The following RFX2 variants were observed in gnomAD, a reference collection of about 807,000 sequenced individuals.
RFX2 encodes the protein regulatory factor X2.
Under a neutral mutation model 87.8 loss-of-function variants are expected in RFX2, and 20 were observed. The observed-to-expected ratio is 0.23, with a 90% CI of 0.16 to 0.33. The LOEUF (loss-of-function observed/expected upper bound fraction) is 0.33. RFX2 is among the 10% of genes least tolerant of loss of function. The pLI, the probability that RFX2 is intolerant of heterozygous loss-of-function variation, is 1.00. For synonymous variants in RFX2, 397 were observed against 431.3 expected (o/e 0.92, Z 0.98); for missense variants, 767 against 1,012.3 (o/e 0.76, Z 3.29).
At chr19:6,107,314 A>G (rs987531800) in intron 1 of RFX2, among the ~76,000 whole-genome samples, 2 of 147,774 alleles carry the variant, frequency 1.4e-5, no homozygotes, top group African/African-American at 5.0e-5. Context: ...AAACAAACAA[A>G]CAAAAATCCA....
chr19:6,005,247 A>G (rs1316887031), intron 12 of RFX2, among the ~76,000 whole-genome samples: 1 of 152,278 alleles, frequency 6.6e-6, no homozygotes, highest in Non-Finnish European at 1.5e-5. Context: ...TGAGAAATGC[A>G]ATACTTTTGC....
chr19:6,026,385 G>A lies in RFX2; in HGVS notation c.523-148C>T. The A allele has an allele frequency of 1.5e-6, 1 of 685,534 alleles. No individual in the cohort carries two copies. Among genetic ancestry groups the A allele is most frequent in the Non-Finnish European group, 2.5e-6 (1 of 404,372 alleles). The allele number at this position is 685,534 out of a possible 1,614,324, so 42.5% of individuals were successfully genotyped here. ...CAAAATAAAAATGAGGCTCCACGCA[G>A]GCAGGGCGGGGGTGAGTTAAATTGT... On this transcript the variant is annotated intron_variant, in intron 5 of 17. Transcript: ENST00000303657. This position sits in a 1 kb window ranked among gnomAD's most constrained non-coding sequence, Gnocchi z 4.5.
chr19:6,016,235 CT>C lies in RFX2; in HGVS notation c.633del (p.Gly212ValfsTer2). ...QWLLDNYETA[E>X]GVSLPRSSLY... ...AGAGAACTTCTGGGGAGACTCACACCTTCCGCTGTTTCATAATTATCCAACA... is the reference window on the plus strand; with the variant it reads ...AGAGAACTTCTGGGGAGACTCACACCTCCGCTGTTTCATAATTATCCAACA... On this transcript the variant is annotated frameshift_variant, in exon 7 of 18. Transcript: ENST00000303657. LOFTEE classifies it high-confidence loss of function. The surrounding 1 kb of genome is among the most constrained non-coding windows in gnomAD (Gnocchi z 5.4). 6.2e-7 allele frequency: 1 copy of C among 1,610,668 alleles called. No homozygotes were observed. The highest frequency in any genetic ancestry group is 8.5e-7 in the Non-Finnish European group (1 of 1,178,146).
chr19:6,009,804 G>A (rs1437625776), intron 9 of RFX2, among the ~76,000 whole-genome samples: 1 of 152,198 alleles, frequency 6.6e-6, no homozygotes, highest in African/African-American at 2.4e-5. Flanking sequence ...GAGCTCAAGT[G>A]ATCCTCCCGC....
At chr19:6,025,619 G>C (rs2086877298) in intron 6 of RFX2, among the ~76,000 whole-genome samples, 1 of 152,016 alleles carries the variant, frequency 6.6e-6, no homozygotes, top group African/African-American at 2.4e-5. Context: ...GACAACCCGA[G>C]GAGGTAGGTG....
rs778525660 is a variant in RFX2 at position 5,997,493 on chromosome 19, C to T, written c.1860-280G>A. ...CAGTCAGCCCCAAAGCGACAGGCTG[C>T]GGGAAACAACTGTGGCTGGTGCTAG... On this transcript the variant is annotated intron_variant, in intron 15 of 17. Coordinates refer to ENST00000303657, the MANE Select transcript of RFX2 (RefSeq NM_000635.4). This position sits in a 1 kb window ranked among gnomAD's most constrained non-coding sequence, Gnocchi z 4.2. 1.8e-4 allele frequency: 69 copies of T among 373,942 alleles called. No individual in the cohort carries two copies. Among genetic ancestry groups the T allele is most frequent in the African/African-American group, 1.2e-3 (57 of 48,340 alleles). 23.2% of individuals were successfully genotyped at this position (373,942 alleles called of 1,614,324 possible).
In RFX2 at chr19:6,022,135, T is replaced by C. The variant is rs1319914213; in HGVS notation, c.597+4028A>G. On this transcript the variant is annotated intron_variant, in intron 6 of 17. Coordinates refer to ENST00000303657, the MANE Select transcript of RFX2 (RefSeq NM_000635.4). This position sits in a 1 kb window ranked among gnomAD's most constrained non-coding sequence, Gnocchi z 6.2. ...CCGTGGGCGGGAGGCGCAGGGGTTGTGGGAGGCGCAGGGGTTGTTGAGGGT... is the reference window on the plus strand; with the variant it reads ...CCGTGGGCGGGAGGCGCAGGGGTTGCGGGAGGCGCAGGGGTTGTTGAGGGT... Among the ~76,000 whole-genome samples the C allele has an allele frequency of 6.6e-6, 1 of 151,934 alleles. No homozygotes were observed.
rs1387523715 is a variant in RFX2 at position 6,004,063 on chromosome 19, G to C, written c.1500+138C>G. ...ACGCGTCACCGGCAGTGTGCTCAGG[G>C]CTTCCTGAAGGGATCGGTTACTCTC... On this transcript the variant is annotated intron_variant, in intron 13 of 17. Transcript: ENST00000303657. This position sits in a 1 kb window ranked among gnomAD's most constrained non-coding sequence, Gnocchi z 4.8. 1.4e-6 allele frequency: 1 copy of C among 699,538 alleles called. No individual in the cohort carries two copies. The allele number at this position is 699,538 out of a possible 1,614,324, so 43.3% of individuals were successfully genotyped here.
At chr19:6,048,874 G>GGCCCCCCCCCCCCCCCCCCC (rs2087232510) in intron 1 of RFX2, among the ~76,000 whole-genome samples, 1 of 150,112 alleles carries the variant, frequency 6.7e-6, no homozygotes, top group African/African-American at 2.5e-5. Context: ...CCGCTCCCCG[G>GGCCCCCCCCCCCCCCCCCCC]CCCCCGCCCC....
At chr19:6,067,220 G>C (rs1037412592) in intron 1 of RFX2, among the ~76,000 whole-genome samples, 2 of 152,178 alleles carry the variant, frequency 1.3e-5, no homozygotes, top group Non-Finnish European at 2.9e-5. Context: ...TGTTTTCTGG[G>C]CGAAGTAAAA....
chr19:6,054,609 C>A (rs928379017), intron 1 of RFX2, among the ~76,000 whole-genome samples: 1 of 151,972 alleles, frequency 6.6e-6, no homozygotes, highest in Non-Finnish European at 1.5e-5. Context: ...ACAAAGGTGT[C>A]AAGGCAATTC....
At chr19:6,031,456 G>C (rs2086952823) in intron 5 of RFX2, among the ~76,000 whole-genome samples, 1 of 97,942 alleles carries the variant, frequency 1.0e-5, no homozygotes, top group South Asian at 3.6e-4. Flanking sequence ...TTGAGATCGA[G>C]TCTCACTCTG....
intron 16 of RFX2, 111 bp downstream of exon 16, chr19:5,996,949 G>A: frequency 4.4e-6 from 5 of 1,142,940 alleles, no homozygotes; most frequent in Non-Finnish European, 6.1e-6. Context: ...CTGTCCGGGC[G>A]GCAGAGCAGT....
chr19:6,041,950 A>G (rs1213235056), intron 4 of RFX2, 94 bp downstream of exon 4: 12 of 932,898 alleles, frequency 1.3e-5, no homozygotes, highest in African/African-American at 3.2e-5. Flanking sequence ...CGCCAAAAGC[A>G]TAAGGGAGAG....
chr19:6,093,346 C>A (rs7245629), intron 1 of RFX2, among the ~76,000 whole-genome samples: 1 of 152,114 alleles, frequency 6.6e-6, no homozygotes, highest in Admixed American at 6.5e-5. Context: ...GCCAGCCTGG[C>A]CAACATGGTG....
At position 6,010,115 on chromosome 19, in the gene RFX2, G is replaced by C. The variant is rs1455996271; in HGVS notation, c.1015+21C>G. Reference sequence around the variant, plus strand: ...GCGAGCAGATGGGAGCCCCGCCCCCGGGCCTGACCGGGCCTCTCACCTATG... The same window carrying C: ...GCGAGCAGATGGGAGCCCCGCCCCCCGGCCTGACCGGGCCTCTCACCTATG... On this transcript the variant is annotated intron_variant, in intron 9 of 17. Transcript: ENST00000303657. This position sits in a 1 kb window ranked among gnomAD's most constrained non-coding sequence, Gnocchi z 5.0. 1.4e-6 allele frequency: 2 copies of C among 1,481,042 alleles called. No individual in the cohort carries two copies. The highest frequency in any genetic ancestry group is 2.0e-4 in the Middle Eastern group (1 of 4,912). 91.7% of individuals were successfully genotyped at this position (1,481,042 alleles called of 1,614,324 possible).
intron 4 of RFX2, among the ~76,000 whole-genome samples, chr19:6,041,607 T>A (rs62714463): frequency 3.2e-5 from 3 of 93,434 alleles, no homozygotes; most frequent in Non-Finnish European, 3.8e-5. Context: ...AGGATTAGCC[T>A]TTTTTTTTTT....
At chr19:6,098,752 T>G (rs1193596893) in intron 1 of RFX2, among the ~76,000 whole-genome samples, 1 of 151,972 alleles carries the variant, frequency 6.6e-6, no homozygotes, top group Admixed American at 6.5e-5. Flanking sequence ...TGTTGGGAAA[T>G]GCTTTTGAGC....
Position 6,012,893 on chromosome 19 carries a change from G to A in RFX2, c.899+93C>T. ...CTTTCCCAGGATGCTGGAGACTGGG[G>A]AGTTATGATGAGTTTGTTTCGTGTT... On this transcript the variant is annotated intron_variant, in intron 8 of 17. Coordinates refer to ENST00000303657, the MANE Select transcript of RFX2 (RefSeq NM_000635.4). The surrounding 1 kb of genome is among the most constrained non-coding windows in gnomAD (Gnocchi z 4.6). The A allele has an allele frequency of 8.0e-7, 1 of 1,243,064 alleles. No homozygotes were observed. Among genetic ancestry groups the A allele is most frequent in the East Asian group, 2.8e-5 (1 of 35,934 alleles). The allele number at this position is 1,243,064 out of a possible 1,614,324, so 77.0% of individuals were successfully genotyped here. A position where few individuals can be genotyped will look rare whatever the true frequency, so the allele number is the denominator to read the frequency against.
Sources: gnomAD v4.1 joint callset for allele counts (sites outside exome capture counted in the v4.1 genomes callset) on GRCh38, gnomAD v4.1.1 for gene constraint, Gnocchi (gnomAD v3.1) non-coding constraint, MANE v1.5 for transcripts, NCBI Gene and HGNC (gene_info 2026-07-23, HGNC 2026-07-21) for gene names.